The following DIS3L2 variants were observed in gnomAD, a reference collection of about 807,000 sequenced individuals.
The protein encoded by DIS3L2 is DIS3-like exonuclease 2.
A neutral mutation model predicts 97.5 loss-of-function variants in DIS3L2; 34 were observed. That is an observed-to-expected ratio of 0.35 (90% CI 0.27 to 0.46). DIS3L2 has a LOEUF of 0.46. Ranked by LOEUF, DIS3L2 falls within the 20% of genes least tolerant of loss-of-function variation. The pLI, the probability that DIS3L2 is intolerant of heterozygous loss-of-function variation, is 1.00. For synonymous variants in DIS3L2, 435 were observed against 445.2 expected (o/e 0.98, Z 0.29); for missense variants, 1,038 against 1,146.0 (o/e 0.91, Z 1.36).
chr2:232,060,351 T>C (rs1276604870), intron 5 of DIS3L2, among the ~76,000 whole-genome samples: 1 of 152,142 alleles, frequency 6.6e-6, no homozygotes, highest in Non-Finnish European at 1.5e-5. Flanking sequence ...TTTCTTTTAG[T>C]AGTTTAATAG....
At chr2:231,974,824 TA>T (rs2106169066) in intron 1 of DIS3L2, among the ~76,000 whole-genome samples, 1 of 152,298 alleles carries the variant, frequency 6.6e-6, no homozygotes, top group East Asian at 1.9e-4. Flanking sequence ...GCTAATAGAA[TA>T]AACAAATCAT....
chr2:232,331,356 C>T (rs1354237458), intron 16 of DIS3L2, among the ~76,000 whole-genome samples: 1 of 152,192 alleles, frequency 6.6e-6, no homozygotes, highest in African/African-American at 2.4e-5. Context: ...CTCGGGTCAG[C>T]GGGAGCAGTG....
rs1377893364 is a variant in DIS3L2 at position 232,209,346 on chromosome 2, GT to G, written c.1125-976del. Among the ~76,000 whole-genome samples, 11 of 152,260 alleles carry G rather than the reference GT, an allele frequency of 7.2e-5. No individual in the cohort carries two copies. In the East Asian group the frequency reaches 2.1e-3, roughly 29 times the overall value. Reference sequence around the variant, plus strand: ...ATTATAGCTCACTGCTGCCAAGGAGGTTTTGAACAGAGGAGCAACACCAGGG... The same window carrying G: ...ATTATAGCTCACTGCTGCCAAGGAGGTTTGAACAGAGGAGCAACACCAGGG... On this transcript the variant is annotated intron_variant, in intron 9 of 20. Transcript: ENST00000325385.
At chr2:232,247,127 A>G (rs1445362708) in intron 11 of DIS3L2, among the ~76,000 whole-genome samples, 3 of 152,232 alleles carry the variant, frequency 2.0e-5, no homozygotes, top group Non-Finnish European at 4.4e-5. Flanking sequence ...TATCTGTACA[A>G]AAGGCATTAA....
intron 3 of DIS3L2, among the ~76,000 whole-genome samples, chr2:232,017,249 C>G (rs1694380262): frequency 6.6e-6 from 1 of 151,938 alleles, no homozygotes; most frequent in Non-Finnish European, 1.5e-5. Context: ...ATTAGTCATG[C>G]CATCATGCCT....
chr2:232,035,786 T>C (rs956227254), intron 5 of DIS3L2, among the ~76,000 whole-genome samples: 1 of 152,238 alleles, frequency 6.6e-6, no homozygotes, highest in Non-Finnish European at 1.5e-5. Context: ...ATATGAATTC[T>C]GGGTTGAAAA....
At chr2:231,965,279 A>G (rs1341562015) in intron 1 of DIS3L2, among the ~76,000 whole-genome samples, 3 of 152,158 alleles carry the variant, frequency 2.0e-5, no homozygotes, top group African/African-American at 7.2e-5. Context: ...AGTGCTTCCT[A>G]TGTAGCAGCG....
intron 3 of DIS3L2, 106 bp downstream of exon 3, chr2:232,015,777 G>T (rs534121842): frequency 7.5e-7 from 1 of 1,341,540 alleles, no homozygotes; most frequent in Non-Finnish European, 1.0e-6. Flanking sequence ...AGACGATGAT[G>T]TAACAGGTGC....
chr2:232,211,191 C>A (rs1344305369), intron 10 of DIS3L2, among the ~76,000 whole-genome samples: 1 of 150,180 alleles, frequency 6.7e-6, no homozygotes, highest in East Asian at 2.0e-4. Flanking sequence ...TTTGCCCAGG[C>A]TGGAGTGTAG....
intron 14 of DIS3L2, among the ~76,000 whole-genome samples, chr2:232,321,993 G>C (rs966592019): frequency 1.3e-5 from 2 of 152,230 alleles, no homozygotes; most frequent in Non-Finnish European, 2.9e-5. Context: ...AGGTTCAGAT[G>C]GGTGACCCTG....
intron 9 of DIS3L2, among the ~76,000 whole-genome samples, chr2:232,205,251 T>C (rs1012277608): frequency 6.7e-6 from 1 of 149,302 alleles, no homozygotes; most frequent in African/African-American, 2.5e-5. Flanking sequence ...ATGCAGTGAA[T>C]TTTTTGTTGT....
rs1387752785 is a variant in DIS3L2, at chr2:232,334,652, G to A, written c.2311G>A (p.Glu771Lys). 6.2e-7 allele frequency: 1 copy of A among 1,609,406 alleles called. No homozygotes were observed. Among genetic ancestry groups the A allele is most frequent in the East Asian group, 2.2e-5 (1 of 44,594 alleles). ...GCAGGAGAGTGGCCCCCTGGAGTCA[G>A]AAGCCATGGTGATGGGCATCCTGAA... is the stretch of plus-strand genomic sequence containing the variant. Reference protein sequence around the residue: ...LVKESGPLESEAMVMGILKQA... With the variant: ...LVKESGPLESKAMVMGILKQA... The change falls in exon 19 of 21, where the codon GAA becomes AAA. Residue 771 changes from glutamate (E) to lysine (K), a missense_variant. Coordinates refer to ENST00000325385, the MANE Select transcript of DIS3L2 (RefSeq NM_152383.5).
At chr2:232,295,870 G>T (rs1266652274) in intron 13 of DIS3L2, among the ~76,000 whole-genome samples, 1 of 152,144 alleles carries the variant, frequency 6.6e-6, no homozygotes, top group Non-Finnish European at 1.5e-5. Flanking sequence ...TGCTGACTAT[G>T]CCCTCCTTGA....
intron 14 of DIS3L2, among the ~76,000 whole-genome samples, chr2:232,327,336 C>G (rs764762842): frequency 2.6e-5 from 4 of 152,230 alleles, no homozygotes; most frequent in Non-Finnish European, 5.9e-5. Flanking sequence ...TACACTTGTC[C>G]CTCTTCCGGC....
intron 5 of DIS3L2, among the ~76,000 whole-genome samples, chr2:232,084,133 C>G (rs1240138646): frequency 6.6e-6 from 1 of 152,126 alleles, no homozygotes; most frequent in East Asian, 1.9e-4. Flanking sequence ...GATTCTTTTT[C>G]TGCTGTAACT....
intron 9 of DIS3L2, among the ~76,000 whole-genome samples, chr2:232,208,559 C>T (rs977702777): frequency 1.5e-4 from 23 of 152,314 alleles, no homozygotes; most frequent in African/African-American, 5.3e-4. Flanking sequence ...GATCTGCCCA[C>T]CTTGGCCTCC....
intron 20 of DIS3L2, 78 bp from the exon 21 acceptor site, chr2:232,336,391 C>T (rs772065445): frequency 1.9e-6 from 3 of 1,552,666 alleles, no homozygotes; most frequent in African/African-American, 1.4e-5. Context: ...AGGGGTCCTG[C>T]TGCAGGGATG....
chr2:232,329,785 T>TACCGGGGGCCC, intron 14 of DIS3L2, 28 bp from the exon 15 acceptor site: 1 of 967,144 alleles, frequency 1.0e-6, no homozygotes, highest in Non-Finnish European at 1.5e-6. Flanking sequence ...ACCCCAGCGG[T>TACCGGGGGCCC]CCCTCCCATC....
intron 9 of DIS3L2, among the ~76,000 whole-genome samples, chr2:232,208,797 T>G (rs891115728): frequency 1.3e-5 from 2 of 152,020 alleles, no homozygotes; most frequent in Non-Finnish European, 2.9e-5. Flanking sequence ...GGAGGCCAAG[T>G]TGAGAGGATC....
Sources: gnomAD v4.1 joint callset for allele counts (sites outside exome capture counted in the v4.1 genomes callset) on GRCh38, gnomAD v4.1.1 for gene constraint, MANE v1.5 for transcripts, NCBI Gene and HGNC (gene_info 2026-07-23, HGNC 2026-07-21) for gene names.